Variants in LRRC4C observed in about 807,000 individuals in gnomAD.
LRRC4C encodes leucine-rich repeat-containing protein 4C.
Under a neutral mutation model 33.6 loss-of-function variants are expected in LRRC4C, and 5 were observed. That is an observed-to-expected ratio of 0.15 (90% CI 0.08 to 0.31). The LOEUF (loss-of-function observed/expected upper bound fraction) is 0.31. LRRC4C is among the 10% of genes least tolerant of loss of function. LRRC4C has a pLI of 1.00. For synonymous variants in LRRC4C, 329 were observed against 302.0 expected, an observed-to-expected ratio of 1.09 and a Z score of -0.93; for missense variants, 560 against 796.7, an observed-to-expected ratio of 0.70 and a Z score of 3.58.
intron 3 of LRRC4C, among the ~76,000 whole-genome samples, chr11:40,335,218 T>C (rs942798018): frequency 6.6e-6 from 1 of 152,316 alleles, no homozygotes; most frequent in South Asian, 2.1e-4. Flanking sequence ...GCAACCTGTG[T>C]CTGTTCTAGA....
chr11:41,095,083 A>G (rs905878500), intron 1 of LRRC4C, among the ~76,000 whole-genome samples: 2 of 152,220 alleles, frequency 1.3e-5, no homozygotes, highest in African/African-American at 4.8e-5. Context: ...TAATTTATCA[A>G]CAAAAGAGGT....
chr11:40,149,594 A>G (rs768510606), intron 5 of LRRC4C, among the ~76,000 whole-genome samples: 5 of 152,168 alleles, frequency 3.3e-5, no homozygotes, highest in Admixed American at 6.6e-5. Flanking sequence ...GGCTAAGACT[A>G]TGGGGCTTTC....
At chr11:41,147,544 C>A (rs1423431286) in intron 1 of LRRC4C, among the ~76,000 whole-genome samples, 1 of 152,184 alleles carries the variant, frequency 6.6e-6, no homozygotes, top group Non-Finnish European at 1.5e-5. Context: ...ATGCCAGAGA[C>A]ATGACCTTTC....
rs781592054 is a variant in LRRC4C, at chr11:40,389,469, CA to C, written c.-269-69749del. On this transcript the variant is annotated intron_variant, in intron 3 of 6. Coordinates refer to ENST00000528697, the MANE Select transcript of LRRC4C (RefSeq NM_001258419.2). The stretch of plus-strand genomic sequence containing the variant: ...CTTCTAAATAATCTCATGTATGTCT[CA>C]AAAAAAAAAATAATCAAAAAACCAT... Among the ~76,000 whole-genome samples, 90 of 60,184 alleles carry C rather than the reference CA, an allele frequency of 1.5e-3. No homozygotes were observed. The Middle Eastern group carries it at 0.027, about 18-fold the overall frequency. 39.5% of individuals were successfully genotyped at this position (60,184 alleles called of 152,430 possible).
At chr11:40,860,871 G>A (rs971412703) in intron 2 of LRRC4C, among the ~76,000 whole-genome samples, 1 of 130,472 alleles carries the variant, frequency 7.7e-6, no homozygotes, top group Non-Finnish European at 1.5e-5. Flanking sequence ...TGGAAACAAG[G>A]TTTTATTTTG....
intron 1 of LRRC4C, among the ~76,000 whole-genome samples, chr11:41,214,460 G>C (rs545972845): frequency 5.6e-4 from 84 of 150,882 alleles, no homozygotes; most frequent in African/African-American, 2.0e-3. Context: ...ATGCAGGCGC[G>C]ATGGCTCACG....
At chr11:41,369,309 T>C (rs1952657919) in intron 1 of LRRC4C, among the ~76,000 whole-genome samples, 2 of 152,098 alleles carry the variant, frequency 1.3e-5, no homozygotes, top group Non-Finnish European at 2.9e-5. Flanking sequence ...TATAGAAAGA[T>C]GTTAAAAGAG....
chr11:40,602,146 G>T (rs1193691670), intron 3 of LRRC4C, among the ~76,000 whole-genome samples: 2 of 139,606 alleles, frequency 1.4e-5, no homozygotes, highest in South Asian at 4.5e-4. Context: ...AGTGAGCTGA[G>T]ATCGTGCCAC....
At chr11:40,526,933 C>T (rs1249104308) in intron 3 of LRRC4C, among the ~76,000 whole-genome samples, 1 of 152,062 alleles carries the variant, frequency 6.6e-6, no homozygotes, top group Non-Finnish European at 1.5e-5. Context: ...AGAGTGAATA[C>T]AGGAATAAAT....
intron 1 of LRRC4C, among the ~76,000 whole-genome samples, chr11:41,014,103 C>T (rs982612069): frequency 3.3e-5 from 5 of 152,200 alleles, no homozygotes; most frequent in African/African-American, 1.2e-4. Flanking sequence ...TTCATCTATG[C>T]ATGGTGGAAG....
chr11:40,701,135 T>C (rs183813068), intron 2 of LRRC4C, among the ~76,000 whole-genome samples: 1 of 152,162 alleles, frequency 6.6e-6, no homozygotes, highest in Admixed American at 6.6e-5. Context: ...AAAGATTTAA[T>C]TATAATCAAA....
chr11:40,511,529 C>T (rs1382793790), intron 3 of LRRC4C, among the ~76,000 whole-genome samples: 3 of 152,178 alleles, frequency 2.0e-5, no homozygotes, highest in Non-Finnish European at 4.4e-5. Context: ...CATTTCTGCA[C>T]AGAACACATT....
chr11:41,085,169 C>G (rs191970497), intron 1 of LRRC4C, among the ~76,000 whole-genome samples: 122 of 152,208 alleles, frequency 8.0e-4, no homozygotes, highest in African/African-American at 2.8e-3. Flanking sequence ...CAGAAGTAAA[C>G]TGAAACATCT....
intron 1 of LRRC4C, among the ~76,000 whole-genome samples, chr11:41,189,266 G>A (rs1346708095): frequency 6.6e-6 from 1 of 152,132 alleles, no homozygotes; most frequent in Non-Finnish European, 1.5e-5. Flanking sequence ...TGCTGTGATA[G>A]GTTAGTCTGA....
chr11:40,718,855 T>A (rs947156964), intron 2 of LRRC4C, among the ~76,000 whole-genome samples: 21 of 152,156 alleles, frequency 1.4e-4, no homozygotes, highest in African/African-American at 5.1e-4. Context: ...TGGAGACAGA[T>A]AAAGAATATA....
At chr11:40,966,460 G>A (rs926581216) in intron 1 of LRRC4C, among the ~76,000 whole-genome samples, 1 of 152,004 alleles carries the variant, frequency 6.6e-6, no homozygotes. Context: ...ACAGGAGAAG[G>A]CTTCAGATAT....
At chr11:40,471,535 A>T (rs770941226) in intron 3 of LRRC4C, among the ~76,000 whole-genome samples, 1 of 152,116 alleles carries the variant, frequency 6.6e-6, no homozygotes, top group African/African-American at 2.4e-5. Flanking sequence ...CATACATAAC[A>T]ATATTAACTT....
chr11:41,415,801 G>A (rs1261745992), intron 1 of LRRC4C, among the ~76,000 whole-genome samples: 1 of 152,108 alleles, frequency 6.6e-6, no homozygotes, highest in Non-Finnish European at 1.5e-5. Flanking sequence ...TATAGGATAT[G>A]TTTCAATGAA....
chr11:40,810,979 T>G (rs1418786319), intron 2 of LRRC4C, among the ~76,000 whole-genome samples: 1 of 152,208 alleles, frequency 6.6e-6, no homozygotes, highest in Non-Finnish European at 1.5e-5. Context: ...ACTCTTCCCA[T>G]GTTCTGCAAA....
Sources: allele counts gnomAD v4.1 joint callset (sites outside exome capture counted in the v4.1 genomes callset), GRCh38; gene constraint gnomAD v4.1.1; transcripts MANE v1.5; gene names NCBI Gene and HGNC (gene_info 2026-07-23, HGNC 2026-07-21).